BOP1: variants seen among roughly 807,000 people sequenced by gnomAD.
The protein encoded by BOP1 is BOP1 ribosomal biogenesis factor, also known as ribosome biogenesis protein BOP1.
A neutral mutation model predicts 82.9 loss-of-function variants in BOP1; 54 were observed. The ratio of observed to expected loss-of-function variants is 0.65; its 90% CI spans 0.52 to 0.82. BOP1 has a LOEUF of 0.82. Among genes scored for constraint, BOP1 ranks in the 40% least tolerant of loss-of-function variants. BOP1 has a pLI of 0.00. For synonymous variants in BOP1, 566 were observed against 451.1 expected (o/e 1.25, Z -3.23); for missense variants, 1,170 against 1,072.0 (o/e 1.09, Z -1.28).
intron 3 of BOP1, among the ~76,000 whole-genome samples, chr8:144,270,865 G>A (rs959771885): frequency 1.3e-5 from 2 of 152,224 alleles, no homozygotes; most frequent in Non-Finnish European, 2.9e-5. Context: ...CTGCACCCTG[G>A]GCCAGCAGCC....
chr8:144,267,301 C>A, intron 3 of BOP1: 2 of 1,214,238 alleles, frequency 1.6e-6, no homozygotes, highest in Non-Finnish European at 2.1e-6. Flanking sequence ...GGCAGGCACA[C>A]CTGTAACACA....
In BOP1 at chr8:144,291,426, G is replaced by T; in HGVS notation, c.-56C>A. The stretch of plus-strand genomic sequence containing the variant: ...AGCCGCTTCCGACAGCGACCGGGCC[G>T]CGTGCGCAGGAGGACGCGCCCCGCC... On this transcript the variant is annotated 5_prime_UTR_variant, in exon 1 of 16. Transcript: ENST00000569669. The surrounding 1 kb of genome is among the most constrained non-coding windows in gnomAD (Gnocchi z 4.1). The T allele has an allele frequency of 9.4e-7, 1 of 1,058,276 alleles. No homozygotes were observed. The allele number at this position is 1,058,276 out of a possible 1,614,324, so 65.6% of individuals were successfully genotyped here. A position where few individuals can be genotyped will look rare whatever the true frequency, so the allele number is the denominator to read the frequency against.
In BOP1 at chr8:144,291,236, G is replaced by A. The variant is rs1815062785; in HGVS notation, c.99+36C>T. The A allele has an allele frequency of 2.1e-6, 3 of 1,432,628 alleles. No individual in the cohort carries two copies. Among genetic ancestry groups the A allele is most frequent in the Admixed American group, 5.5e-5 (2 of 36,292 alleles). 88.7% of individuals were successfully genotyped at this position (1,432,628 alleles called of 1,614,324 possible). A position where few individuals can be genotyped will look rare whatever the true frequency, so the allele number is the denominator to read the frequency against. ...GGCCACGTGCCCGCCGGGCCCTCTA[G>A]GGACGCGCCCCGCCGCCCCGCATCG... On this transcript the variant is annotated intron_variant, in intron 1 of 15. Transcript: ENST00000569669. The surrounding 1 kb of genome is among the most constrained non-coding windows in gnomAD (Gnocchi z 4.1).
At position 144,265,049 on chromosome 8, in the gene BOP1, T is replaced by G; in HGVS notation, c.413A>C (p.Asn138Thr). Residue 138 changes from asparagine to threonine, a missense_variant, in exon 4 of 16, where the codon AAC becomes ACC. By Grantham distance (65) the Asn-to-Thr change is moderately conservative. Transcript: ENST00000569669. ...GTCATCGTACCACTCCAAGGGCACG[T>G]TGCCCACCGTGTTCCGGATGTCCTG... ...DEEDIRNTVG[N>T]VPLEWYDDFP... is the part of the protein sequence containing the mutation. 6.2e-7 allele frequency: 1 copy of G among 1,611,298 alleles called. No homozygotes were observed. Among genetic ancestry groups the G allele is most frequent in the Non-Finnish European group, 8.5e-7 (1 of 1,179,234 alleles).
In BOP1 at chr8:144,262,185, C is replaced by T; in HGVS notation, c.2220G>A (p.Gly740=). The T allele has an allele frequency of 1.9e-6, 3 of 1,612,524 alleles. No homozygotes were observed. The highest frequency in any genetic ancestry group is 2.5e-6 in the Non-Finnish European group (3 of 1,179,816). ...ACAGCTAGGTGAAGAGGCGGACAGT[C>T]CCGTCTGCCCCCGAGGAGAAGACCC... ...QPWVFSSGAD[G]TVRLFT Residue 740 remains glycine (G), a synonymous_variant, in exon 16 of 16, where the codon GGG becomes GGA. Transcript: ENST00000569669.
In BOP1 at chr8:144,263,374, T is replaced by C. The variant is rs61732442; in HGVS notation, c.1452A>G (p.Pro484=). The change falls in exon 12 of 16, where the codon CCA becomes CCG. Residue 484 remains proline, a synonymous_variant. Coordinates refer to ENST00000569669, the MANE Select transcript of BOP1 (RefSeq NM_015201.5). ...CCGCCACCAGCCGGTCCCCCAGAGC[T>C]GGGTTCAGCAGCAGCACCGAGTCCT... ...AVEDSVLLLN[P]ALGDRLVAGS... 2.6e-3 allele frequency: 4,125 copies of C among 1,597,328 alleles called. 89 individuals carry two copies. In the African/African-American group the frequency reaches 0.048, roughly 19 times the overall value.
intron 1 of BOP1, among the ~76,000 whole-genome samples, chr8:144,289,917 C>A (rs1388123522): frequency 5.3e-5 from 8 of 152,244 alleles, no homozygotes; most frequent in African/African-American, 1.9e-4. Context: ...ACTCTAACCG[C>A]AACCACGCAC....
chr8:144,264,589 C>T lies in BOP1; in HGVS notation c.691G>A (p.Val231Ile), dbSNP rs1383645232. Reference protein sequence around the residue: ...EPAVDFFSGDVMIHPVTNRPA... With the variant: ...EPAVDFFSGDIMIHPVTNRPA... ...CGGTTGGTCACCGGGTGGATCATGA[C>T]GTCCCCGCTGAAGAAGTCGACAGCC... Residue 231 changes from valine to isoleucine, a missense_variant, in exon 6 of 16, where the codon GTC becomes ATC. Transcript: ENST00000569669. 2.7e-5 allele frequency: 43 copies of T among 1,606,914 alleles called. No homozygotes were observed. Among genetic ancestry groups the T allele is most frequent in the Middle Eastern group, 3.6e-4 (2 of 5,562 alleles).
At position 144,264,420 on chromosome 8, in the gene BOP1, G is replaced by A. The variant is rs900158680; in HGVS notation, c.783C>T (p.His261=). Reference sequence around the variant, plus strand: ...GCTGGATCCAGCCCATCTTGATGGCGTGCACCATGCGAGAGACCTGCATAG... The same window carrying A: ...GCTGGATCCAGCCCATCTTGATGGCATGCACCATGCGAGAGACCTGCATAG... The part of the protein sequence containing the change: ...VEKEKVSRMV[H]AIKMGWIQPR... Residue 261 remains histidine, a synonymous_variant, in exon 7 of 16, where the codon CAC becomes CAT. Coordinates refer to ENST00000569669, the MANE Select transcript of BOP1 (RefSeq NM_015201.5). 1.4e-5 allele frequency: 22 copies of A among 1,602,822 alleles called. No homozygotes were observed. Among genetic ancestry groups the A allele is most frequent in the African/African-American group, 2.7e-5 (2 of 74,904 alleles).
At chr8:144,270,369 G>C (rs1845472617) in intron 3 of BOP1, among the ~76,000 whole-genome samples, 1 of 152,168 alleles carries the variant, frequency 6.6e-6, no homozygotes, top group Non-Finnish European at 1.5e-5. Flanking sequence ...CTAGAAGAAA[G>C]TGAACAGGGA....
intron 1 of BOP1, among the ~76,000 whole-genome samples, chr8:144,290,678 T>C (rs1554840057): frequency 6.6e-6 from 1 of 152,178 alleles, no homozygotes; most frequent in South Asian, 2.1e-4. Context: ...ATTCAGCCCA[T>C]GGGAGCCAGG....
chr8:144,283,627 T>C (rs1814778320), intron 2 of BOP1, among the ~76,000 whole-genome samples: 1 of 152,184 alleles, frequency 6.6e-6, no homozygotes, highest in Non-Finnish European at 1.5e-5. Flanking sequence ...ACTCATTCTT[T>C]TTATTTTTAT....
At chr8:144,274,121 G>A (rs997541507) in intron 3 of BOP1, among the ~76,000 whole-genome samples, 2 of 152,102 alleles carry the variant, frequency 1.3e-5, no homozygotes, top group Non-Finnish European at 2.9e-5. Flanking sequence ...AGCTTGGCCC[G>A]AGACCTTCTC....
chr8:144,270,884 G>A (rs1315596160), intron 3 of BOP1, among the ~76,000 whole-genome samples: 1 of 152,114 alleles, frequency 6.6e-6, no homozygotes, highest in Non-Finnish European at 1.5e-5. Flanking sequence ...CCGCCCCTGC[G>A]AGCCGAGCTG....
Position 144,264,102 on chromosome 8 carries a change from A to G in BOP1, c.1019T>C (p.Leu340Pro), listed in dbSNP as rs1197302069. ...CGGGAACTTGCGTGGCAAAAAGCTC[A>G]GCTTCCTCTCGCCTGGCTCCTGCTG... ...WEQQEPGERKLSFLPRKFPSL... is the reference protein window; with the variant it reads ...WEQQEPGERKPSFLPRKFPSL... Residue 340 changes from leucine to proline, a missense_variant, in exon 8 of 16, where the codon CTG (leucine) becomes CCG (proline). Physicochemically the swap from Leu to Pro is moderately conservative, Grantham distance 98. Coordinates refer to ENST00000569669, the MANE Select transcript of BOP1 (RefSeq NM_015201.5). The G allele has an allele frequency of 1.9e-6, 3 of 1,610,440 alleles. No individual in the cohort carries two copies. Among genetic ancestry groups the G allele is most frequent in the Non-Finnish European group, 2.5e-6 (3 of 1,179,416 alleles).
At chr8:144,268,004 G>T in intron 3 of BOP1, 1 of 1,528,954 alleles carries the variant, frequency 6.5e-7, no homozygotes, top group Admixed American at 2.0e-5. Flanking sequence ...GAGGTGCCTT[G>T]GCGCTGGCCA....
intron 12 of BOP1, 25 bp from the exon 13 acceptor site, chr8:144,263,166 G>A (rs911405826): frequency 3.8e-6 from 6 of 1,592,886 alleles, no homozygotes; most frequent in Non-Finnish European, 5.1e-6. Context: ...GGCTGGCTGA[G>A]TGGCTGAGCC....
chr8:144,271,272 G>A (rs1845488054), intron 3 of BOP1, among the ~76,000 whole-genome samples: 1 of 152,056 alleles, frequency 6.6e-6, no homozygotes, highest in African/African-American at 2.4e-5. Context: ...CAGCTGTCAG[G>A]ACCACAGATT....
At position 144,273,378 on chromosome 8, in the gene BOP1, C is replaced by CAGACT. The variant is rs1416893141; in HGVS notation, c.390+2845_390+2846insAGTCT. Among the ~76,000 whole-genome samples, 297 of 102,428 alleles carry CAGACT rather than the reference C, an allele frequency of 2.9e-3. 2 individuals carry two copies. The highest frequency in any genetic ancestry group is 0.01 in the African/African-American group (273 of 27,054). 67.2% of individuals were successfully genotyped at this position (102,428 alleles called of 152,430 possible). A position where few individuals can be genotyped will look rare whatever the true frequency, so the allele number is the denominator to read the frequency against. On this transcript the variant is annotated intron_variant, in intron 3 of 15. Transcript: ENST00000569669. ...AGGAGCTGCCAGGCTGCACCCCAGC[C>CAGACT]CCAGACTCCAGACTCCAGTGGAGGC...
Sources: allele counts gnomAD v4.1 joint callset (sites outside exome capture counted in the v4.1 genomes callset), GRCh38; gene constraint gnomAD v4.1.1; non-coding constraint Gnocchi (gnomAD v3.1); transcripts MANE v1.5; gene names NCBI Gene and HGNC (gene_info 2026-07-23, HGNC 2026-07-21).